Variants in GPC5 observed in about 807,000 individuals in gnomAD.
GPC5 encodes glypican 5.
Under a neutral mutation model 53.9 loss-of-function variants are expected in GPC5, and 47 were observed. The ratio of observed to expected loss-of-function variants is 0.87; its 90% CI spans 0.69 to 1.11. GPC5 has a LOEUF of 1.11. Among genes scored for constraint, GPC5 ranks in the 50% most tolerant of loss-of-function variants. The probability of loss-of-function intolerance (pLI) is 0.00; values close to 1 mark genes in which losing one functional copy is unlikely to be tolerated. For synonymous variants in GPC5, 286 were observed against 263.3 expected (o/e 1.09, Z -0.84); for missense variants, 748 against 713.1 (o/e 1.05, Z -0.56).
At chr13:92,015,411 G>A (rs115327248) in intron 6 of GPC5, among the ~76,000 whole-genome samples, 51 of 152,182 alleles carry the variant, frequency 3.4e-4, no homozygotes, top group African/African-American at 1.2e-3. Context: ...TATATTTATT[G>A]TGGTCAAATG....
intron 5 of GPC5, among the ~76,000 whole-genome samples, chr13:91,865,657 G>C (rs1054352620): frequency 1.1e-4 from 17 of 152,200 alleles, no homozygotes; most frequent in Admixed American, 7.8e-4. Flanking sequence ...TGGCAGAAAC[G>C]TCAGATAATA....
chr13:92,131,711 T>G (rs1566448961), intron 6 of GPC5, among the ~76,000 whole-genome samples: 1 of 152,016 alleles, frequency 6.6e-6, no homozygotes, highest in Non-Finnish European at 1.5e-5. Context: ...TTGACTGAGA[T>G]GGCAAGAAGG....
At chr13:91,401,556 AAC>A (rs1302733838) in intron 1 of GPC5, among the ~76,000 whole-genome samples, 1 of 152,196 alleles carries the variant, frequency 6.6e-6, no homozygotes, top group Non-Finnish European at 1.5e-5. Context: ...GACTAAAACA[AAC>A]ACATTTAATT....
chr13:91,687,381 G>A (rs1025364240), intron 2 of GPC5, among the ~76,000 whole-genome samples: 1 of 151,918 alleles, frequency 6.6e-6, no homozygotes, highest in African/African-American at 2.4e-5. Flanking sequence ...TCTCTAAAAG[G>A]AATGTGGGCT....
chr13:91,664,001 C>A (rs1566591600), intron 2 of GPC5, among the ~76,000 whole-genome samples: 1 of 152,132 alleles, frequency 6.6e-6, no homozygotes, highest in East Asian at 1.9e-4. Flanking sequence ...TTGACCATTA[C>A]TGATTCCAGA....
intron 2 of GPC5, among the ~76,000 whole-genome samples, chr13:91,455,575 T>A (rs1175502767): frequency 2.0e-5 from 3 of 152,182 alleles, no homozygotes; most frequent in African/African-American, 4.8e-5. Context: ...GTATTTTGTA[T>A]GTATTTAAAA....
chr13:91,849,791 G>A (rs1342048707), intron 5 of GPC5, among the ~76,000 whole-genome samples: 2 of 152,262 alleles, frequency 1.3e-5, no homozygotes, highest in Non-Finnish European at 2.9e-5. Flanking sequence ...TATGATGCAT[G>A]TATCAGAAAA....
At chr13:91,852,138 G>A (rs1033911898) in intron 5 of GPC5, among the ~76,000 whole-genome samples, 1 of 151,672 alleles carries the variant, frequency 6.6e-6, no homozygotes, top group Non-Finnish European at 1.5e-5. Flanking sequence ...ATTAACCTTA[G>A]CTCACTGTGA....
chr13:92,118,097 T>C lies in GPC5; in HGVS notation c.1402-26733T>C, dbSNP rs890571967. Among the ~76,000 whole-genome samples, 44 of 152,258 alleles carry C rather than the reference T, an allele frequency of 2.9e-4. 1 individual carries two copies. The highest frequency in any genetic ancestry group is 9.6e-4 in the African/African-American group (40 of 41,550). On this transcript the variant is annotated intron_variant, in intron 6 of 7. Transcript: ENST00000377067. ...CAGTTTTGGTTTTTTTGTTTGTTTG[T>C]TTGTTTTGTAGATGCCCTGTATCAG...
chr13:91,599,881 G>A (rs994790917), intron 2 of GPC5, among the ~76,000 whole-genome samples: 2 of 152,176 alleles, frequency 1.3e-5, no homozygotes, highest in African/African-American at 4.8e-5. Flanking sequence ...AGTAGAAATA[G>A]TCCAAAAATC....
At position 92,245,431 on chromosome 13, in the gene GPC5, G is replaced by A. The variant is rs1395605248; in HGVS notation, c.1561+100442G>A. Among the ~76,000 whole-genome samples, 5 of 152,040 alleles carry A rather than the reference G, an allele frequency of 3.3e-5. No homozygotes were observed. The East Asian group carries it at 5.8e-4, about 18-fold the overall frequency. The stretch of plus-strand genomic sequence containing the variant: ...CACATACTTTTCTAAGAATAAGTTC[G>A]AAAAGTAAAAAATTAATCTGTTTTA... On this transcript the variant is annotated intron_variant, in intron 7 of 7. Transcript: ENST00000377067.
chr13:92,003,826 T>C (rs907350527), intron 6 of GPC5, among the ~76,000 whole-genome samples: 8 of 152,184 alleles, frequency 5.3e-5, no homozygotes, highest in African/African-American at 1.9e-4. Context: ...TGATGAAATG[T>C]TACACTTCAG....
intron 6 of GPC5, among the ~76,000 whole-genome samples, chr13:92,076,271 G>A (rs764690521): frequency 6.6e-6 from 1 of 151,864 alleles, no homozygotes; most frequent in Non-Finnish European, 1.5e-5. Context: ...TAGTAGAGAC[G>A]GGGTTTCACC....
intron 2 of GPC5, among the ~76,000 whole-genome samples, chr13:91,565,322 T>A (rs1365014697): frequency 6.6e-6 from 1 of 152,174 alleles, no homozygotes; most frequent in Non-Finnish European, 1.5e-5. Flanking sequence ...AATTAGAGTT[T>A]ATACTGCTTC....
chr13:92,641,056 G>A (rs1032399738), intron 7 of GPC5, among the ~76,000 whole-genome samples: 3 of 152,088 alleles, frequency 2.0e-5, no homozygotes, highest in Non-Finnish European at 2.9e-5. Context: ...GAAATATCAC[G>A]AGAATACTTA....
chr13:91,868,652 C>T (rs766593195), intron 5 of GPC5, among the ~76,000 whole-genome samples: 2 of 152,174 alleles, frequency 1.3e-5, no homozygotes, highest in East Asian at 3.9e-4. Context: ...CTGCAATGAA[C>T]TGTGACTGTG....
chr13:92,527,110 AAG>A lies in GPC5; in HGVS notation c.1562-339170_1562-339169del, dbSNP rs1470726465. Among the ~76,000 whole-genome samples, 96 of 45,918 alleles carry A rather than the reference AAG, an allele frequency of 2.1e-3. 6 individuals carry two copies. Among genetic ancestry groups the A allele is most frequent in the African/African-American group, 7.3e-3 (93 of 12,698 alleles). 30.1% of individuals were successfully genotyped at this position (45,918 alleles called of 152,430 possible). A position where few individuals can be genotyped will look rare whatever the true frequency, so the allele number is the denominator to read the frequency against. ...AGATTCTGTAGGAAAAGAAAGAAAA[AAG>A]AAAGAAAGAAAGAAAGAAAGAAAGA... On this transcript the variant is annotated intron_variant, in intron 7 of 7. Transcript: ENST00000377067.
intron 6 of GPC5, among the ~76,000 whole-genome samples, chr13:92,070,856 T>A (rs1189142214): frequency 2.0e-5 from 3 of 152,204 alleles, no homozygotes; most frequent in Admixed American, 6.5e-5. Flanking sequence ...TATTGTTTAG[T>A]TTATCACATA....
chr13:91,507,889 G>A (rs866648047), intron 2 of GPC5, among the ~76,000 whole-genome samples: 12 of 151,954 alleles, frequency 7.9e-5, no homozygotes, highest in African/African-American at 2.2e-4. Context: ...TGTTTAAAGT[G>A]GGTTGAATAC....
Sources: allele counts gnomAD v4.1 joint callset (sites outside exome capture counted in the v4.1 genomes callset), GRCh38; gene constraint gnomAD v4.1.1; transcripts MANE v1.5; gene names NCBI Gene and HGNC (gene_info 2026-07-23, HGNC 2026-07-21).